Variants in GALK2 observed in about 807,000 individuals in gnomAD.
GALK2 encodes galactokinase 2.
Under a neutral mutation model 52.4 loss-of-function variants are expected in GALK2, and 36 were observed. The observed-to-expected ratio is 0.69, with a 90% CI of 0.53 to 0.91. The LOEUF (loss-of-function observed/expected upper bound fraction) is 0.91. GALK2 is among the 40% of genes least tolerant of loss of function. GALK2 has a pLI of 0.00. For missense variants in GALK2, 579 were observed against 559.1 expected (o/e 1.04, Z -0.36); for synonymous variants, 176 against 199.1 (o/e 0.88, Z 0.98).
chr15:49,176,963 T>G (rs1465072645), intron 1 of GALK2, among the ~76,000 whole-genome samples: 1 of 152,184 alleles, frequency 6.6e-6, no homozygotes, highest in Non-Finnish European at 1.5e-5. Context: ...GCTTTGTTTC[T>G]GACAACTTTT....
chr15:49,269,465 T>C (rs959056050), intron 5 of GALK2, among the ~76,000 whole-genome samples: 1 of 152,206 alleles, frequency 6.6e-6, no homozygotes, highest in African/African-American at 2.4e-5. Flanking sequence ...GGAAATTCTC[T>C]ACTGTTTCAT....
At chr15:49,249,020 A>G (rs2091476176) in intron 5 of GALK2, among the ~76,000 whole-genome samples, 1 of 150,176 alleles carries the variant, frequency 6.7e-6, no homozygotes, top group South Asian at 2.1e-4. Context: ...AGGCCTCCAG[A>G]TTTTGACTTG....
chr15:49,216,713 A>G (rs1277767668), intron 2 of GALK2, among the ~76,000 whole-genome samples: 2 of 152,214 alleles, frequency 1.3e-5, no homozygotes, highest in Non-Finnish European at 2.9e-5. Context: ...TGTCTTGCCC[A>G]GGGCTGATCT....
intron 5 of GALK2, among the ~76,000 whole-genome samples, chr15:49,260,278 T>C (rs2092035790): frequency 6.6e-6 from 1 of 152,188 alleles, no homozygotes; most frequent in Non-Finnish European, 1.5e-5. Context: ...CCATTCTAAC[T>C]GGTGTGAGAT....
At chr15:49,218,911 T>G (rs2089588955) in intron 3 of GALK2, among the ~76,000 whole-genome samples, 1 of 152,176 alleles carries the variant, frequency 6.6e-6, no homozygotes, top group African/African-American at 2.4e-5. Flanking sequence ...ACTCAACCTC[T>G]GCCTCCCAGG....
At chr15:49,160,387 C>G (rs2084610820) in intron 1 of GALK2, among the ~76,000 whole-genome samples, 1 of 152,116 alleles carries the variant, frequency 6.6e-6, no homozygotes, top group Admixed American at 6.5e-5. Context: ...TTAATGATAT[C>G]ACTTTACAGT....
chr15:49,205,525 C>A (rs1566935679), intron 2 of GALK2, among the ~76,000 whole-genome samples: 1 of 152,188 alleles, frequency 6.6e-6, no homozygotes, highest in Non-Finnish European at 1.5e-5. Flanking sequence ...ATTTCTATAT[C>A]TTCCTTTGAG....
chr15:49,315,016 G>A (rs528499517), intron 8 of GALK2, among the ~76,000 whole-genome samples: 17 of 152,318 alleles, frequency 1.1e-4, no homozygotes, highest in African/African-American at 4.1e-4. Flanking sequence ...TATTATACAA[G>A]CCAAAATTAT....
At chr15:49,258,825 T>TGAGA (rs1421372969) in intron 5 of GALK2, among the ~76,000 whole-genome samples, 5 of 121,046 alleles carry the variant, frequency 4.1e-5, no homozygotes, top group African/African-American at 9.5e-5. Context: ...TGTGTGTGTG[T>TGAGA]GTGTGAGAGA....
At chr15:49,351,628 A>G (rs943305862) in intron 3 of GALK2, among the ~76,000 whole-genome samples, 1 of 152,238 alleles carries the variant, frequency 6.6e-6, no homozygotes, top group Non-Finnish European at 1.5e-5. Flanking sequence ...AAAGACAAAG[A>G]TCAGCGTGTA....
chr15:49,194,412 GAT>G (rs2087026810), intron 1 of GALK2, among the ~76,000 whole-genome samples: 1 of 152,084 alleles, frequency 6.6e-6, no homozygotes, highest in Non-Finnish European at 1.5e-5. Flanking sequence ...TTCTGGACAT[GAT>G]ATTATTCCAC....
At chr15:49,301,016 T>C (rs193076963) in intron 8 of GALK2, among the ~76,000 whole-genome samples, 1 of 152,326 alleles carries the variant, frequency 6.6e-6, no homozygotes, top group Admixed American at 6.5e-5. Flanking sequence ...CCGATGGTAA[T>C]GAATTCCCTT....
intron 2 of GALK2, among the ~76,000 whole-genome samples, chr15:49,213,387 G>A (rs948831404): frequency 6.6e-6 from 1 of 151,974 alleles, no homozygotes; most frequent in Non-Finnish European, 1.5e-5. Context: ...TATAAATGCA[G>A]AATGTGTAGG....
intron 1 of GALK2, among the ~76,000 whole-genome samples, chr15:49,193,317 T>C (rs574203951): frequency 6.6e-5 from 10 of 151,950 alleles, no homozygotes; most frequent in Non-Finnish European, 1.3e-4. Context: ...CTTTTACACA[T>C]TTTTCTATCA....
At chr15:49,199,617 T>C (rs1446027247) in intron 1 of GALK2, among the ~76,000 whole-genome samples, 1 of 152,102 alleles carries the variant, frequency 6.6e-6, no homozygotes, top group Non-Finnish European at 1.5e-5. Context: ...ATCTTTCCTG[T>C]ATGGATACAG....
intron 3 of GALK2, among the ~76,000 whole-genome samples, chr15:49,337,508 CTTTTTTTTTTTT>C (rs33973907): frequency 1.9e-4 from 7 of 36,080 alleles, no homozygotes; most frequent in Admixed American, 6.6e-4. Flanking sequence ...CATTTACCCA[CTTTTTTTTTTTT>C]TTTTTTTTTT....
chr15:49,199,166 G>C (rs2087511747), intron 1 of GALK2: 1 of 152,172 alleles, frequency 6.6e-6, no homozygotes, highest in Admixed American at 6.6e-5. Context: ...AGAGTAGCTG[G>C]AACTACAGGC....
intron 5 of GALK2, among the ~76,000 whole-genome samples, chr15:49,245,372 C>A (rs1160279931): frequency 6.6e-6 from 1 of 152,070 alleles, no homozygotes; most frequent in East Asian, 1.9e-4. Flanking sequence ...AAGCCTTTTA[C>A]CTCTATTTAA....
intron 2 of GALK2, among the ~76,000 whole-genome samples, chr15:49,212,987 A>G (rs1232816422): frequency 6.6e-6 from 1 of 152,100 alleles, no homozygotes; most frequent in African/African-American, 2.4e-5. Context: ...TGTTGGATGG[A>G]ATGTTTTTAT....
Sources: allele counts gnomAD v4.1 joint callset (sites outside exome capture counted in the v4.1 genomes callset), GRCh38; gene constraint gnomAD v4.1.1; transcripts MANE v1.5; gene names NCBI Gene and HGNC (gene_info 2026-07-23, HGNC 2026-07-21).